Variants in RPA3 observed in about 807,000 individuals in gnomAD.
RPA3 encodes the protein replication protein A3.
Under a neutral mutation model 13.7 loss-of-function variants are expected in RPA3, and 24 were observed. That is an observed-to-expected ratio of 1.75 (90% confidence interval 1.27 to 2.46). RPA3 has a LOEUF of 2.46. Ranked by LOEUF, RPA3 falls within the 30% of genes most tolerant of loss-of-function variation. The pLI is 0.00. For synonymous variants in RPA3, 59 were observed against 51.2 expected, an observed-to-expected ratio of 1.15 and a Z score of -0.65; for missense variants, 183 against 151.0, an observed-to-expected ratio of 1.21 and a Z score of -1.11.
intron 5 of RPA3, 31 bp downstream of exon 5, chr7:7,640,289 C>A (rs746491529): frequency 1.3e-5 from 21 of 1,610,572 alleles, no homozygotes; most frequent in Non-Finnish European, 1.8e-5. Context: ...CAGCTACGGA[C>A]TTGGGAGCCC....
chr7:7,678,200 T>A (rs1481679989), intron 4 of RPA3, among the ~76,000 whole-genome samples: 2 of 151,956 alleles, frequency 1.3e-5, no homozygotes, highest in African/African-American at 2.4e-5. Flanking sequence ...TTTACATTCC[T>A]GCCACCAGGG....
At chr7:7,677,409 C>T (rs1404920749) in intron 4 of RPA3, among the ~76,000 whole-genome samples, 2 of 151,982 alleles carry the variant, frequency 1.3e-5, no homozygotes, top group African/African-American at 4.8e-5. Flanking sequence ...CTTTCTGCTA[C>T]CCTTCCTTGC....
chr7:7,716,987 C>G (rs1024397152), intron 1 of RPA3, among the ~76,000 whole-genome samples: 39 of 152,130 alleles, frequency 2.6e-4, no homozygotes, highest in African/African-American at 8.9e-4. Flanking sequence ...AACCCGGAAA[C>G]CCGTTCGGGA....
chr7:7,692,734 C>T (rs776108278), intron 2 of RPA3, among the ~76,000 whole-genome samples: 7 of 152,210 alleles, frequency 4.6e-5, no homozygotes, highest in Middle Eastern at 6.8e-3. Context: ...CTCAGCCTCC[C>T]GAGTAGTTGG....
Position 7,673,279 on chromosome 7 carries a change from A to G in RPA3, c.-758+12551T>C, listed in dbSNP as rs534955148. ...GTAAGAGTTTTACAGTTGCATCTGA[A>G]TTTGACATTGTGTAATGTTTCTATT... On this transcript the variant is annotated intron_variant, in intron 4 of 7. Transcript: ENST00000223129. 4.4e-5 allele frequency: 50 copies of G among 1,128,938 alleles called. No individual in the cohort carries two copies. In the African/African-American group the frequency reaches 6.3e-4, roughly 14 times the overall value. 69.9% of individuals were successfully genotyped at this position (1,128,938 alleles called of 1,614,324 possible).
intron 4 of RPA3, among the ~76,000 whole-genome samples, chr7:7,669,850 C>T (rs1335768477): frequency 6.6e-6 from 1 of 152,172 alleles, no homozygotes; most frequent in Admixed American, 6.5e-5. Flanking sequence ...TAGTCTCTGC[C>T]TCCTTTGCCT....
chr7:7,672,925 A>G (rs1439249399), intron 4 of RPA3, among the ~76,000 whole-genome samples: 1 of 152,186 alleles, frequency 6.6e-6, no homozygotes, highest in Non-Finnish European at 1.5e-5. Context: ...TCACAACATG[A>G]CAAGAAACCT....
chr7:7,644,816 C>T (rs977182700), intron 4 of RPA3, among the ~76,000 whole-genome samples: 3 of 152,116 alleles, frequency 2.0e-5, no homozygotes, highest in African/African-American at 7.2e-5. Flanking sequence ...TCTCTTTGCT[C>T]TTCTGTATAG....
chr7:7,645,674 C>A (rs756077837), intron 4 of RPA3, among the ~76,000 whole-genome samples: 5 of 152,048 alleles, frequency 3.3e-5, no homozygotes, highest in Non-Finnish European at 7.4e-5. Flanking sequence ...TGATCAAATG[C>A]ATTTTTTGCC....
chr7:7,644,355 T>TTA (rs1785047915), intron 4 of RPA3, among the ~76,000 whole-genome samples: 1 of 67,634 alleles, frequency 1.5e-5, no homozygotes, highest in African/African-American at 1.2e-4. Context: ...CATTCCATCC[T>TTA]TTTTTTTTTT....
chr7:7,643,302 A>G (rs994050038), intron 4 of RPA3, among the ~76,000 whole-genome samples: 87 of 152,348 alleles, frequency 5.7e-4, no homozygotes, highest in African/African-American at 2.0e-3. Context: ...AGGAAGCCTC[A>G]GATGGGCGTG....
chr7:7,715,856 G>A (rs1780889001), intron 1 of RPA3, among the ~76,000 whole-genome samples: 1 of 152,152 alleles, frequency 6.6e-6, no homozygotes, highest in Non-Finnish European at 1.5e-5. Context: ...TTAAAAAATA[G>A]TATCGTGATA....
intron 4 of RPA3, among the ~76,000 whole-genome samples, chr7:7,664,106 C>G (rs911064393): frequency 6.6e-6 from 1 of 152,152 alleles, no homozygotes; most frequent in African/African-American, 2.4e-5. Context: ...TTATTTAAAA[C>G]CTAGATTTTT....
intron 4 of RPA3, among the ~76,000 whole-genome samples, chr7:7,643,530 G>T (rs1299198522): frequency 6.6e-6 from 1 of 152,186 alleles, no homozygotes; most frequent in Non-Finnish European, 1.5e-5. Context: ...GGTCAACATG[G>T]TGAAACCCTG....
intron 4 of RPA3, among the ~76,000 whole-genome samples, chr7:7,685,109 G>A (rs116376500): frequency 0.018 from 2,725 of 152,160 alleles, 78 homozygotes; most frequent in African/African-American, 0.063. Flanking sequence ...GAGACTCTAA[G>A]TAAAATGTAC....
At chr7:7,648,368 G>C (rs1040584742) in intron 4 of RPA3, among the ~76,000 whole-genome samples, 1 of 152,154 alleles carries the variant, frequency 6.6e-6, no homozygotes, top group African/African-American at 2.4e-5. Context: ...GTGTTGGCCT[G>C]ACAGCTTTAA....
chr7:7,691,421 A>G (rs775194844), intron 2 of RPA3, among the ~76,000 whole-genome samples: 105 of 152,244 alleles, frequency 6.9e-4, no homozygotes, highest in Non-Finnish European at 1.2e-3. Flanking sequence ...ACATAATTTC[A>G]TCTAAAATGA....
At chr7:7,712,436 A>G (rs1276347057) in intron 2 of RPA3, among the ~76,000 whole-genome samples, 1 of 152,104 alleles carries the variant, frequency 6.6e-6, no homozygotes, top group Non-Finnish European at 1.5e-5. Context: ...CTTTTGTCAG[A>G]TTTATTCTTA....
At chr7:7,648,061 T>A (rs1017641589) in intron 4 of RPA3, among the ~76,000 whole-genome samples, 4 of 152,240 alleles carry the variant, frequency 2.6e-5, no homozygotes, top group Non-Finnish European at 4.4e-5. Flanking sequence ...ATTTCTTTTG[T>A]AGCTTAGCTG....
Sources: allele counts gnomAD v4.1 joint callset (sites outside exome capture counted in the v4.1 genomes callset), GRCh38; gene constraint gnomAD v4.1.1; transcripts MANE v1.5; gene names NCBI Gene and HGNC (gene_info 2026-07-23, HGNC 2026-07-21).